Variants in NAP1L1 observed in about 807,000 individuals in gnomAD.
NAP1L1 encodes the protein nucleosome assembly protein 1-like 1.
Under a neutral mutation model 58.9 loss-of-function variants are expected in NAP1L1, and 9 were observed. The ratio of observed to expected loss-of-function variants is 0.15; its 90% confidence interval spans 0.09 to 0.27. The LOEUF (loss-of-function observed/expected upper bound fraction) is 0.27. Among genes scored for constraint, NAP1L1 ranks in the 10% least tolerant of loss-of-function variants. NAP1L1 has a pLI of 1.00. For synonymous variants in NAP1L1, 130 were observed against 138.3 expected (o/e 0.94, Z 0.42); for missense variants, 302 against 458.8 (o/e 0.66, Z 3.12).
Position 76,040,745 on chromosome 12 carries a change from T to C in NAP1L1, c.*7684A>G, listed in dbSNP as rs1186781580. On this transcript the variant is annotated 3_prime_UTR_variant, in exon 15 of 15. Coordinates refer to ENST00000618691, the MANE Select transcript of NAP1L1 (RefSeq NM_004537.7). ...CTACAGCTAAGTTTTGTATTTTTAG[T>C]AGAGGCAGGGTTTCTCCATATTAGC... 6.6e-6 allele frequency: 1 copy of C among 152,190 alleles called. No homozygotes were observed. Among genetic ancestry groups the C allele is most frequent in the African/African-American group, 2.4e-5 (1 of 41,448 alleles). The allele number at this position is 152,190 out of a possible 1,614,324, so 9.4% of individuals were successfully genotyped here.
At chr12:76,071,793 A>ACTTGGACTGG (rs1949963847) in intron 2 of NAP1L1, among the ~76,000 whole-genome samples, 1 of 152,136 alleles carries the variant, frequency 6.6e-6, no homozygotes, top group Non-Finnish European at 1.5e-5. Flanking sequence ...GGAAAGGGTA[A>ACTTGGACTGG]AATTCAGAAC....
chr12:76,058,976 G>C (rs540822804), intron 6 of NAP1L1, among the ~76,000 whole-genome samples: 39 of 152,302 alleles, frequency 2.6e-4, no homozygotes, highest in Non-Finnish European at 4.4e-4. Flanking sequence ...ATTTGGTAAA[G>C]TATACTAAAA....
chr12:76,067,707 G>T (rs1000323627), intron 3 of NAP1L1: 4 of 393,834 alleles, frequency 1.0e-5, no homozygotes, highest in Non-Finnish European at 1.9e-5. Flanking sequence ...CAAGGCCACT[G>T]CCACAACTAT....
intron 11 of NAP1L1, 50 bp downstream of exon 11, chr12:76,053,041 A>G: frequency 1.3e-6 from 2 of 1,543,958 alleles, no homozygotes; most frequent in Admixed American, 1.8e-5. Flanking sequence ...TCAGTGCTTT[A>G]ATTTCAAATA....
intron 4 of NAP1L1, among the ~76,000 whole-genome samples, chr12:76,062,600 T>C (rs1019677524): frequency 7.2e-5 from 11 of 152,058 alleles, no homozygotes; most frequent in African/African-American, 2.4e-4. Flanking sequence ...ATGTTAAGTA[T>C]GAAAAATACA....
chr12:76,059,715 C>T, intron 6 of NAP1L1, 83 bp downstream of exon 6: 1 of 930,570 alleles, frequency 1.1e-6, no homozygotes, highest in Non-Finnish European at 1.7e-6. Context: ...TAATATTGTA[C>T]TCCATCATTA....
chr12:76,060,015 A>T, intron 5 of NAP1L1, 123 bp downstream of exon 5: 1 of 1,209,972 alleles, frequency 8.3e-7, no homozygotes, highest in Non-Finnish European at 1.2e-6. Context: ...TAGTTCCTCC[A>T]AGTGCTGCCT....
intron 2 of NAP1L1, among the ~76,000 whole-genome samples, chr12:76,070,638 A>G (rs1259380604): frequency 6.6e-6 from 1 of 152,168 alleles, no homozygotes; most frequent in African/African-American, 2.4e-5. Flanking sequence ...CAGATGCACT[A>G]CATTTATGTA....
intron 4 of NAP1L1, chr12:76,060,932 A>G (rs1424595593): frequency 3.4e-6 from 1 of 291,140 alleles, no homozygotes; most frequent in Non-Finnish European, 7.0e-6. Flanking sequence ...GTCCTTACAA[A>G]AAATACAAAA....
chr12:76,055,979 A>T lies in NAP1L1; in HGVS notation c.558+54T>A. On this transcript the variant is annotated intron_variant, in intron 7 of 14. Transcript: ENST00000618691. Reference sequence around the variant, plus strand: ...AGAGAACAGTGATCACAGCCATTTAAACTTCAAAGGTTTACCCTTCAAAGT... The same window carrying T: ...AGAGAACAGTGATCACAGCCATTTATACTTCAAAGGTTTACCCTTCAAAGT... 4.4e-6 allele frequency: 7 copies of T among 1,573,754 alleles called. No individual in the cohort carries two copies. In the South Asian group the frequency reaches 7.9e-5, roughly 18 times the overall value.
Position 76,045,270 on chromosome 12 carries a change from G to C in NAP1L1, c.*3159C>G, listed in dbSNP as rs948725799. Reference sequence around the variant, plus strand: ...CAAAAATATAAAGGCTTAAATTTTTGTAAGACTAACCCATAAAAAAGGACT... The same window carrying C: ...CAAAAATATAAAGGCTTAAATTTTTCTAAGACTAACCCATAAAAAAGGACT... On this transcript the variant is annotated 3_prime_UTR_variant, in exon 15 of 15. Transcript: ENST00000618691. 1 of 151,940 alleles carries C rather than the reference G, an allele frequency of 6.6e-6. No homozygotes were observed. Among genetic ancestry groups the C allele is most frequent in the East Asian group, 1.9e-4 (1 of 5,200 alleles). 9.4% of individuals were successfully genotyped at this position (151,940 alleles called of 1,614,324 possible).
At chr12:76,055,890 TTTCTC>T (rs1241666684) in intron 7 of NAP1L1, 138 bp downstream of exon 7, 1 of 841,656 alleles carries the variant, frequency 1.2e-6, no homozygotes, top group Non-Finnish European at 1.9e-6. Context: ...AAAGCTGTAA[TTTCTC>T]TTCTACAGAT....
chr12:76,049,295 G>C (rs774938818), intron 13 of NAP1L1, 45 bp from the exon 14 acceptor site: 1 of 1,611,818 alleles, frequency 6.2e-7, no homozygotes, highest in South Asian at 1.1e-5. Flanking sequence ...GTACATAGTA[G>C]GTAAACTGGC....
At chr12:76,080,436 A>G (rs184806262) in intron 1 of NAP1L1, among the ~76,000 whole-genome samples, 1 of 152,364 alleles carries the variant, frequency 6.6e-6, no homozygotes, top group South Asian at 2.1e-4. Context: ...TATTCAACAT[A>G]GCAACATGCT....
At chr12:76,064,546 A>G (rs1949574662) in intron 4 of NAP1L1, among the ~76,000 whole-genome samples, 1 of 152,196 alleles carries the variant, frequency 6.6e-6, no homozygotes, top group Non-Finnish European at 1.5e-5. Context: ...GCAATCCTAA[A>G]AAAGAGATAA....
intron 2 of NAP1L1, among the ~76,000 whole-genome samples, chr12:76,072,940 T>A (rs574650209): frequency 6.6e-6 from 1 of 152,160 alleles, no homozygotes; most frequent in Non-Finnish European, 1.5e-5. Flanking sequence ...CAATGTGAGA[T>A]ATGGCAAACA....
At chr12:76,059,911 A>G in intron 5 of NAP1L1, 33 bp from the exon 6 acceptor site, 1 of 1,489,782 alleles carries the variant, frequency 6.7e-7, no homozygotes, top group South Asian at 1.2e-5. Flanking sequence ...GGCTGTATAA[A>G]AACACTGGCA....
intron 3 of NAP1L1, among the ~76,000 whole-genome samples, chr12:76,067,781 C>A (rs1161693058): frequency 6.6e-6 from 1 of 152,152 alleles, no homozygotes; most frequent in Non-Finnish European, 1.5e-5. Flanking sequence ...TTAAGAAGCT[C>A]AAAGCTTCAT....
At chr12:76,076,785 T>C (rs1169511327) in intron 1 of NAP1L1, among the ~76,000 whole-genome samples, 12 of 151,984 alleles carry the variant, frequency 7.9e-5, no homozygotes. Context: ...GTATTGTTGT[T>C]CAAACATCAG....
Sources: allele counts gnomAD v4.1 joint callset (sites outside exome capture counted in the v4.1 genomes callset), GRCh38; gene constraint gnomAD v4.1.1; transcripts MANE v1.5; gene names NCBI Gene and HGNC (gene_info 2026-07-23, HGNC 2026-07-21).